WFDC3: variants seen among roughly 807,000 people sequenced by gnomAD.
WFDC3 encodes the protein WAP four-disulfide core domain 3, also known as WAP four-disulfide core domain protein 3.
Under a neutral mutation model 25.8 loss-of-function variants are expected in WFDC3, and 15 were observed. That is an observed-to-expected ratio of 0.58 (90% confidence interval 0.39 to 0.89). The LOEUF is 0.89. WFDC3 is among the 40% of genes least tolerant of loss of function. WFDC3 has a pLI of 0.00. For missense variants in WFDC3, 264 were observed against 289.8 expected (o/e 0.91, Z 0.65); for synonymous variants, 103 against 107.1 (o/e 0.96, Z 0.24).
At chr20:45,790,714 G>A (rs1432821055) in intron 1 of WFDC3, among the ~76,000 whole-genome samples, 1 of 149,646 alleles carries the variant, frequency 6.7e-6, no homozygotes, top group Admixed American at 6.7e-5. Flanking sequence ...AACAGAGTGA[G>A]ACTCTGTCTC....
In WFDC3 at chr20:45,787,871, T is replaced by G; in HGVS notation, c.323A>C (p.Lys108Thr). Residue 108 changes from lysine to threonine, a missense_variant, in exon 4 of 7, where the codon AAG (lysine) becomes ACG (threonine). By Grantham distance (78) the Lys-to-Thr change is moderately conservative. Transcript: ENST00000243938. ...VKKCCTLGCN[K>T]SCVVPISKQK... The stretch of plus-strand genomic sequence containing the variant: ...TTTAGAGATTGGGACTACACAGCTC[T>G]TGTTGCAGCCAAGCGTGCAGCATTT... The G allele has an allele frequency of 6.2e-7, 1 of 1,614,114 alleles. No homozygotes were observed. Among genetic ancestry groups the G allele is most frequent in the African/African-American group, 1.3e-5 (1 of 75,044 alleles).
intron 3 of WFDC3, chr20:45,788,713 CAT>C (rs1325366411): frequency 2.0e-6 from 1 of 510,600 alleles, no homozygotes; most frequent in Non-Finnish European, 3.3e-6. Flanking sequence ...AAGTAAAAGA[CAT>C]AGATAATCAA....
chr20:45,785,770 G>C (rs1228115347), intron 4 of WFDC3, among the ~76,000 whole-genome samples: 1 of 152,072 alleles, frequency 6.6e-6, no homozygotes, highest in Non-Finnish European at 1.5e-5. Context: ...CCTCTCAAGG[G>C]AATGGAGAAG....
At position 45,776,638 on chromosome 20, in the gene WFDC3, ATATATATAT is replaced by A. The variant is rs1568697475; in HGVS notation, c.493+428_493+436del. Among the ~76,000 whole-genome samples the A allele has an allele frequency of 1.1e-3, 79 of 69,528 alleles. No individual in the cohort carries two copies. The East Asian group carries it at 0.022, about 19-fold the overall frequency. 45.6% of individuals were successfully genotyped at this position (69,528 alleles called of 152,430 possible). On this transcript the variant is annotated intron_variant, in intron 5 of 6. Coordinates refer to ENST00000243938, the MANE Select transcript of WFDC3 (RefSeq NM_080614.2). ...GAAAAAAAAGAAAAAAAAAAAAAAT[ATATATATAT>A]ATATATATATATATGTGTGTGTGTG...
rs1052820290 is a variant in WFDC3, at chr20:45,775,661, T to A, written c.494-59A>T. 11 of 1,598,270 alleles carry A rather than the reference T, an allele frequency of 6.9e-6. No individual in the cohort carries two copies. In the African/African-American group the frequency reaches 8.0e-5, roughly 12 times the overall value. On this transcript the variant is annotated intron_variant, in intron 5 of 6. Transcript: ENST00000243938. ...GGCATCAGCTCTGCCATCTCCATGT[T>A]CCCATCGTGAACTTACACACAGAGG...
intron 3 of WFDC3, 75 bp downstream of exon 3, chr20:45,788,856 A>G: frequency 6.6e-7 from 1 of 1,518,640 alleles, no homozygotes; most frequent in Non-Finnish European, 8.8e-7. Flanking sequence ...AGAAGGTGGG[A>G]AGCTCTCTAC....
intron 2 of WFDC3, 129 bp from the exon 3 acceptor site, chr20:45,789,188 A>T: frequency 1.6e-6 from 2 of 1,272,448 alleles, no homozygotes; most frequent in South Asian, 1.5e-5. Flanking sequence ...TGGGTGACAG[A>T]ATGAGACCCT....
chr20:45,787,189 T>C (rs764473907), intron 4 of WFDC3, among the ~76,000 whole-genome samples: 1 of 139,752 alleles, frequency 7.2e-6, no homozygotes, highest in Non-Finnish European at 1.6e-5. Context: ...TTTTTTTTTT[T>C]CTGTCTCTGC....
In WFDC3 at chr20:45,790,994, G is replaced by A. The variant is rs528874931; in HGVS notation, c.-8+838C>T. On this transcript the variant is annotated intron_variant, in intron 1 of 6. Transcript: ENST00000243938. ...TCTGTCCTGGTCATGCCTTTGGTTA[G>A]CTGTGATACCTAATGGTGTCCACTG... The A allele has an allele frequency of 3.9e-5, 18 of 464,880 alleles. No individual in the cohort carries two copies. In the East Asian group the frequency reaches 7.0e-4, roughly 18 times the overall value. The allele number at this position is 464,880 out of a possible 1,614,324, so 28.8% of individuals were successfully genotyped here.
chr20:45,774,488 C>T, intron 6 of WFDC3, 44 bp from the exon 7 acceptor site: 1 of 1,613,878 alleles, frequency 6.2e-7, no homozygotes, highest in Non-Finnish European at 8.5e-7. Flanking sequence ...GCCCTCCTGG[C>T]TTCAGCTACC....
chr20:45,788,828 G>A (rs1432351399), intron 3 of WFDC3, 103 bp downstream of exon 3: 5 of 1,466,684 alleles, frequency 3.4e-6, no homozygotes, highest in Non-Finnish European at 4.5e-6. Context: ...AGGCAAGGGA[G>A]ACTTCCAGAG....
At chr20:45,789,334 A>G (rs1436347672) in intron 2 of WFDC3, among the ~76,000 whole-genome samples, 5 of 151,904 alleles carry the variant, frequency 3.3e-5, no homozygotes, top group African/African-American at 1.2e-4. Flanking sequence ...GTGAAACCCC[A>G]TCTCTACTAA....
intron 4 of WFDC3, among the ~76,000 whole-genome samples, chr20:45,786,319 G>A (rs1282380280): frequency 6.6e-6 from 1 of 152,126 alleles, no homozygotes; most frequent in Admixed American, 6.5e-5. Context: ...GAGCCCAGAA[G>A]GTAGGTGGAG....
chr20:45,775,272 G>T, intron 6 of WFDC3, 145 bp downstream of exon 6: 2 of 1,156,434 alleles, frequency 1.7e-6, no homozygotes, highest in Non-Finnish European at 2.5e-6. Context: ...TGTACTGTTT[G>T]TATGAGGGTT....
chr20:45,791,173 C>CTTTTTTTTTT (rs71181859), intron 1 of WFDC3, among the ~76,000 whole-genome samples: 3 of 63,916 alleles, frequency 4.7e-5, no homozygotes, highest in African/African-American at 1.7e-4. Flanking sequence ...GCCTAATATG[C>CTTTTTTTTTT]TTTTTTTTTT....
chr20:45,777,025 A>T, intron 5 of WFDC3, 50 bp downstream of exon 5: 1 of 1,609,614 alleles, frequency 6.2e-7, no homozygotes, highest in Non-Finnish European at 8.5e-7. Context: ...AAAGAGAAGC[A>T]CTCTTCTCAG....
At chr20:45,776,658 A>G (rs74177365) in intron 5 of WFDC3, among the ~76,000 whole-genome samples, 16,261 of 94,520 alleles carry the variant, frequency 0.17, 1,511 homozygotes, top group East Asian at 0.36. Context: ...ATATATATAT[A>G]TATGTGTGTG....
intron 4 of WFDC3, among the ~76,000 whole-genome samples, chr20:45,780,347 C>T (rs776413474): frequency 1.3e-5 from 2 of 152,100 alleles, no homozygotes; most frequent in African/African-American, 2.4e-5. Flanking sequence ...AAAGTGCTGA[C>T]GTCACAGGCA....
At chr20:45,789,623 T>C (rs932914356) in intron 2 of WFDC3, among the ~76,000 whole-genome samples, 1 of 152,030 alleles carries the variant, frequency 6.6e-6, no homozygotes, top group Non-Finnish European at 1.5e-5. Context: ...AAGGGTGGGA[T>C]GATCCTGTTC....
Sources: gnomAD v4.1 joint callset for allele counts (sites outside exome capture counted in the v4.1 genomes callset) on GRCh38, gnomAD v4.1.1 for gene constraint, MANE v1.5 for transcripts, NCBI Gene and HGNC (gene_info 2026-07-23, HGNC 2026-07-21) for gene names.